Variants in CAMK2A observed in about 807,000 individuals in gnomAD.
CAMK2A encodes calcium/calmodulin dependent protein kinase II alpha, also known as calcium/calmodulin-dependent protein kinase type II subunit alpha.
Under a neutral mutation model 79.2 loss-of-function variants are expected in CAMK2A, and 7 were observed. The ratio of observed to expected loss-of-function variants is 0.09; its 90% CI spans 0.05 to 0.17. CAMK2A has a LOEUF of 0.17. Among genes scored for constraint, CAMK2A ranks in the 10% least tolerant of loss-of-function variants. The probability of loss-of-function intolerance (pLI) is 1.00; values close to 1 mark genes in which losing one functional copy is unlikely to be tolerated. For synonymous variants in CAMK2A, 242 were observed against 251.7 expected, an observed-to-expected ratio of 0.96 and a Z score of 0.36; for missense variants, 214 against 646.4, an observed-to-expected ratio of 0.33 and a Z score of 7.25.
At position 150,220,043 on chromosome 5, in the gene CAMK2A, G is replaced by A. The variant is rs554283274; in HGVS notation, c.*2667C>T. The A allele has an allele frequency of 6.5e-4, 100 of 152,796 alleles. No individual in the cohort carries two copies. Among genetic ancestry groups the A allele is most frequent in the Middle Eastern group, 3.4e-3 (1 of 294 alleles). The allele number at this position is 152,796 out of a possible 1,614,324, so 9.5% of individuals were successfully genotyped here. A position where few individuals can be genotyped will look rare whatever the true frequency, so the allele number is the denominator to read the frequency against. On this transcript the variant is annotated 3_prime_UTR_variant, in exon 19 of 19. Coordinates refer to ENST00000671881, the MANE Select transcript of CAMK2A (RefSeq NM_015981.4). Reference sequence around the variant, plus strand: ...ACCAGGTGGCTGCCCACCCACAGGCGTGGCCTTCACAGTGGGGGCCATCTC... The same window carrying A: ...ACCAGGTGGCTGCCCACCCACAGGCATGGCCTTCACAGTGGGGGCCATCTC...
chr5:150,263,343 CAT>C (rs1756370617), intron 3 of CAMK2A, among the ~76,000 whole-genome samples: 1 of 152,070 alleles, frequency 6.6e-6, no homozygotes, highest in Non-Finnish European at 1.5e-5. Flanking sequence ...CACACACACA[CAT>C]TCACACATTC....
intron 3 of CAMK2A, 37 bp downstream of exon 3, chr5:150,264,919 T>C: frequency 1.3e-6 from 2 of 1,556,382 alleles, no homozygotes; most frequent in Non-Finnish European, 8.9e-7. Flanking sequence ...GAGCAGGGCC[T>C]GGCTCCCCTG....
chr5:150,252,514 C>T (rs1328939250), intron 7 of CAMK2A, among the ~76,000 whole-genome samples: 2 of 152,154 alleles, frequency 1.3e-5, no homozygotes, highest in East Asian at 1.9e-4. Flanking sequence ...CATGGGATGT[C>T]GGGAGGCCTG....
chr5:150,285,441 C>T (rs1757385719), intron 1 of CAMK2A, among the ~76,000 whole-genome samples: 1 of 152,198 alleles, frequency 6.6e-6, no homozygotes, highest in Non-Finnish European at 1.5e-5. Context: ...GTGACATTGT[C>T]CACCCAACAG....
intron 3 of CAMK2A, among the ~76,000 whole-genome samples, chr5:150,264,553 G>A (rs116769247): frequency 0.017 from 2,631 of 152,330 alleles, 79 homozygotes; most frequent in African/African-American, 0.061. Flanking sequence ...GACCCTGTAG[G>A]CAGGCAGGTG....
At position 150,273,009 on chromosome 5, in the gene CAMK2A, G is replaced by A. The variant is rs79530333; in HGVS notation, c.157+56C>T. On this transcript the variant is annotated intron_variant, in intron 2 of 18. Transcript: ENST00000671881. Reference sequence around the variant, plus strand: ...TCCTGGTCTAAACCAAGCAGTACAGGTAAGGGGAGAGAGGAGAGCCCTGGA... The same window carrying A: ...TCCTGGTCTAAACCAAGCAGTACAGATAAGGGGAGAGAGGAGAGCCCTGGA... The A allele has an allele frequency of 6.6e-3, 9,102 of 1,372,586 alleles. 468 individuals are homozygous for A. In the African/African-American group the frequency reaches 0.11, roughly 17 times the overall value. 85.0% of individuals were successfully genotyped at this position (1,372,586 alleles called of 1,614,324 possible).
chr5:150,282,872 C>T (rs1345602049), intron 1 of CAMK2A, among the ~76,000 whole-genome samples: 3 of 152,254 alleles, frequency 2.0e-5, no homozygotes, highest in Non-Finnish European at 1.5e-5. Context: ...AGAGCACTAG[C>T]TCCTGAGGCC....
rs1415362144 is a variant in CAMK2A, at chr5:150,221,750, A to C, written c.*960T>G. The C allele has an allele frequency of 2.4e-4, 14 of 59,254 alleles. No homozygotes were observed. Among genetic ancestry groups the C allele is most frequent in the Non-Finnish European group, 3.6e-4 (11 of 30,348 alleles). The allele number at this position is 59,254 out of a possible 1,614,324, so 3.7% of individuals were successfully genotyped here. ...TGACAAGGTCCACCTCAGAGATGAC[A>C]AAAAAAAAAAAAAAAACTAGAACAG... is the stretch of plus-strand genomic sequence containing the variant. On this transcript the variant is annotated 3_prime_UTR_variant, in exon 19 of 19. Coordinates refer to ENST00000671881, the MANE Select transcript of CAMK2A (RefSeq NM_015981.4).
chr5:150,225,041 G>GA (rs1754525280), intron 17 of CAMK2A, among the ~76,000 whole-genome samples: 4 of 108,898 alleles, frequency 3.7e-5, no homozygotes, highest in Non-Finnish European at 7.1e-5. Context: ...TGGTAGGTAG[G>GA]GAGAGAGAGA....
intron 11 of CAMK2A, 125 bp downstream of exon 11, chr5:150,250,101 G>A (rs981823900): frequency 1.4e-6 from 1 of 703,814 alleles, no homozygotes; most frequent in Non-Finnish European, 2.5e-6. Flanking sequence ...GTATGCAGTA[G>A]GTGTTCAATA....
chr5:150,228,523 C>T (rs1389498019), intron 16 of CAMK2A, among the ~76,000 whole-genome samples: 9 of 152,124 alleles, frequency 5.9e-5, no homozygotes, highest in African/African-American at 2.2e-4. Context: ...GCTGTGAGAC[C>T]CCAAGCAAGT....
At chr5:150,274,459 G>A (rs996729865) in intron 1 of CAMK2A, among the ~76,000 whole-genome samples, 10 of 152,204 alleles carry the variant, frequency 6.6e-5, no homozygotes, top group Admixed American at 5.9e-4. Flanking sequence ...CTAAGGGCTA[G>A]ATCTGGAGTC....
chr5:150,249,113 C>T (rs1755712571), intron 11 of CAMK2A, among the ~76,000 whole-genome samples: 1 of 152,264 alleles, frequency 6.6e-6, no homozygotes, highest in African/African-American at 2.4e-5. Flanking sequence ...AGCCTCCACT[C>T]CAGGCCTGGG....
At chr5:150,234,639 G>C (rs1754986602) in intron 15 of CAMK2A, among the ~76,000 whole-genome samples, 1 of 152,178 alleles carries the variant, frequency 6.6e-6, no homozygotes, top group African/African-American at 2.4e-5. Flanking sequence ...CTTGGGAAAT[G>C]AGAGTGTGGT....
At chr5:150,232,195 A>G (rs1222907157) in intron 15 of CAMK2A, among the ~76,000 whole-genome samples, 2 of 152,266 alleles carry the variant, frequency 1.3e-5, no homozygotes, top group Non-Finnish European at 2.9e-5. Context: ...ATGTTTATTT[A>G]AATGACTGTC....
At chr5:150,238,134 C>CACAT (rs1296305000) in intron 15 of CAMK2A, among the ~76,000 whole-genome samples, 1 of 152,208 alleles carries the variant, frequency 6.6e-6, no homozygotes, top group African/African-American at 2.4e-5. Context: ...TTCTCTAATA[C>CACAT]ACATATAATA....
rs1025832701 is a variant in CAMK2A at position 150,244,025 on chromosome 5, C to T, written c.984+1136G>A. Among the ~76,000 whole-genome samples, 7 of 152,216 alleles carry T rather than the reference C, an allele frequency of 4.6e-5. No homozygotes were observed. The East Asian group carries it at 1.2e-3, about 25-fold the overall frequency. ...AAGAGTTCAATTTGAAAACCACTGT[C>T]TTGGACTAATAACCAAATAATTATG... On this transcript the variant is annotated intron_variant, in intron 13 of 18. Transcript: ENST00000671881.
intron 3 of CAMK2A, among the ~76,000 whole-genome samples, chr5:150,264,683 C>G (rs971657739): frequency 2.6e-5 from 4 of 151,840 alleles, no homozygotes; most frequent in Non-Finnish European, 5.9e-5. Context: ...TTTCATCTCT[C>G]CCAGAGCTTT....
chr5:150,261,079 G>A (rs553939806), intron 3 of CAMK2A, among the ~76,000 whole-genome samples: 2 of 138,642 alleles, frequency 1.4e-5, no homozygotes, highest in East Asian at 2.3e-4. Flanking sequence ...AGCCCCTTTA[G>A]AGAATGTCCT....
Sources: gnomAD v4.1 joint callset for allele counts (sites outside exome capture counted in the v4.1 genomes callset) on GRCh38, gnomAD v4.1.1 for gene constraint, MANE v1.5 for transcripts, NCBI Gene and HGNC (gene_info 2026-07-23, HGNC 2026-07-21) for gene names.